GPR157: variants seen among roughly 807,000 people sequenced by gnomAD.
GPR157 encodes G protein-coupled receptor 157, also known as G-protein coupled receptor 157.
GPR157 carries 16 observed loss-of-function variants against 23.5 expected under a neutral mutation model. The observed-to-expected ratio is 0.68, with a 90% CI of 0.46 to 1.04. The LOEUF is 1.04. Among genes scored for constraint, GPR157 ranks in the 50% least tolerant of loss-of-function variants. The pLI, the probability that GPR157 is intolerant of heterozygous loss-of-function variation, is 0.00. For synonymous variants in GPR157, 200 were observed against 221.5 expected, an observed-to-expected ratio of 0.90 and a Z score of 0.86; for missense variants, 440 against 460.7, an observed-to-expected ratio of 0.96 and a Z score of 0.41.
chr1:9,127,086 G>C (rs1181328525), intron 1 of GPR157, among the ~76,000 whole-genome samples: 1 of 151,900 alleles, frequency 6.6e-6, no homozygotes, highest in Admixed American at 6.6e-5. Context: ...AAGCCTCACT[G>C]TGTTGGCCAG....
chr1:9,105,508 G>A lies in GPR157; in HGVS notation c.770C>T (p.Thr257Met), dbSNP rs1261938423. The change falls in exon 3 of 4, where the codon ACG becomes ATG. Residue 257 changes from threonine to methionine, a missense_variant. Transcript: ENST00000377411. The surrounding 1 kb of genome is among the most constrained non-coding windows in gnomAD (Gnocchi z 4.8). ...LTLCGSPAVQ[T>M]PVLVVLHGIG... is the part of the protein sequence containing the mutation. ...TACATGCAGAACCACCAGCACCGGC[G>A]TCTGCACGGCCGGGGAGCCACAGAG... 8.9e-6 allele frequency: 14 copies of A among 1,578,940 alleles called. No homozygotes were observed. The highest frequency in any genetic ancestry group is 4.6e-5 in the East Asian group (2 of 43,664).
In GPR157 at chr1:9,118,931, A is replaced by G. The variant is rs769313386; in HGVS notation, c.384-7442T>C. ...ACACCTGAAGTCCCAGCTACCCAGG[A>G]GGCTGAGGCGGGAGAACCGCTTGAA... is the stretch of plus-strand genomic sequence containing the variant. On this transcript the variant is annotated intron_variant, in intron 1 of 3. Transcript: ENST00000377411. The surrounding 1 kb of genome is among the most constrained non-coding windows in gnomAD (Gnocchi z 4.6). Among the ~76,000 whole-genome samples the G allele has an allele frequency of 1.1e-4, 16 of 151,740 alleles. No individual in the cohort carries two copies. Among genetic ancestry groups the G allele is most frequent in the Non-Finnish European group, 1.6e-4 (11 of 67,986 alleles).
At chr1:9,119,136 G>A (rs373365660) in intron 1 of GPR157, among the ~76,000 whole-genome samples, 28 of 151,010 alleles carry the variant, frequency 1.9e-4, no homozygotes, top group African/African-American at 6.6e-4. Flanking sequence ...AGGTTCAAGC[G>A]ATTCTTCTGC....
intron 1 of GPR157, among the ~76,000 whole-genome samples, chr1:9,112,296 G>A (rs1000431049): frequency 1.3e-5 from 2 of 152,244 alleles, no homozygotes; most frequent in South Asian, 2.1e-4. Flanking sequence ...GCTTACCTTC[G>A]GCAGGCTCTA....
Position 9,128,667 on chromosome 1 carries a change from G to A in GPR157, c.361C>T (p.Leu121Phe), listed in dbSNP as rs1055581243. 6.2e-7 allele frequency: 1 copy of A among 1,613,082 alleles called. No homozygotes were observed. The highest frequency in any genetic ancestry group is 1.7e-5 in the Admixed American group (1 of 60,032). The change falls in exon 1 of 4, where the codon CTT becomes TTT. Residue 121 changes from leucine to phenylalanine, a missense_variant. Coordinates refer to ENST00000377411, the MANE Select transcript of GPR157 (RefSeq NM_024980.5). This position sits in a 1 kb window ranked among gnomAD's most constrained non-coding sequence, Gnocchi z 6.3. ...CACCTGACGACATGGAAGGCCCAAAGCAGGCGATCTGTGCGAGGCCCGCGC... is the reference window on the plus strand; with the variant it reads ...CACCTGACGACATGGAAGGCCCAAAACAGGCGATCTGTGCGAGGCCCGCGC... Reference protein sequence around the residue: ...AARGPRTDRLLWAFHVVSWGV... With the variant: ...AARGPRTDRLFWAFHVVSWGV...
At chr1:9,107,032 C>T (rs370185223) in intron 2 of GPR157, among the ~76,000 whole-genome samples, 4 of 152,176 alleles carry the variant, frequency 2.6e-5, no homozygotes, top group Non-Finnish European at 5.9e-5. Flanking sequence ...CCCATCCTCA[C>T]GTTCCGCTTT....
rs930731672 is a variant in GPR157, at chr1:9,104,293, G to A, written c.*126C>T. On this transcript the variant is annotated 3_prime_UTR_variant, in exon 4 of 4. Coordinates refer to ENST00000377411, the MANE Select transcript of GPR157 (RefSeq NM_024980.5). ...TGGCAGCTGCTCTCCCAATGGAGCC[G>A]AGAGCATCAATAGCGGGGGCTTCTG... The A allele has an allele frequency of 8.7e-6, 6 of 692,468 alleles. No individual in the cohort carries two copies. Among genetic ancestry groups the A allele is most frequent in the South Asian group, 1.9e-5 (1 of 53,474 alleles). 42.9% of individuals were successfully genotyped at this position (692,468 alleles called of 1,614,324 possible). A position where few individuals can be genotyped will look rare whatever the true frequency, so the allele number is the denominator to read the frequency against.
rs975448269 is a variant in GPR157, at chr1:9,120,742, G to A, written c.383+7903C>T. ...CGTCTGTAGCCCTCAGCTCAGGGAT[G>A]GGCAGCCTGAGTTCTCACACCTCCT... On this transcript the variant is annotated intron_variant, in intron 1 of 3. Coordinates refer to ENST00000377411, the MANE Select transcript of GPR157 (RefSeq NM_024980.5). This position sits in a 1 kb window ranked among gnomAD's most constrained non-coding sequence, Gnocchi z 4.1. Among the ~76,000 whole-genome samples the A allele has an allele frequency of 3.9e-5, 6 of 152,184 alleles. 1 individual carries two copies. Among genetic ancestry groups the A allele is most frequent in the Non-Finnish European group, 7.4e-5 (5 of 68,022 alleles).
At chr1:9,108,117 T>A (rs1241263396) in intron 2 of GPR157, among the ~76,000 whole-genome samples, 1 of 152,128 alleles carries the variant, frequency 6.6e-6, no homozygotes, top group Non-Finnish European at 1.5e-5. Flanking sequence ...TTTGAGCCAG[T>A]CCTGTGCCTG....
At chr1:9,123,811 T>C (rs1638908929) in intron 1 of GPR157, among the ~76,000 whole-genome samples, 1 of 138,408 alleles carries the variant, frequency 7.2e-6, no homozygotes, top group Admixed American at 8.1e-5. Flanking sequence ...TATATAATAT[T>C]AAATATATAT....
rs1466682215 is a variant in GPR157, at chr1:9,123,347, TATTTAATTTAAATATATATTTAAA to T, written c.383+5274_383+5297del. 3.7e-4 allele frequency among the ~76,000 whole-genome samples: 12 copies of T among 32,600 alleles called. No individual in the cohort carries two copies. In the East Asian group the frequency reaches 0.02, roughly 55 times the overall value. The allele number at this position is 32,600 out of a possible 152,430, so 21.4% of individuals were successfully genotyped here. On this transcript the variant is annotated intron_variant, in intron 1 of 3. Transcript: ENST00000377411. ...TATATATATTTAATTTAAATATATA[TATTTAATTTAAATATATATTTAAA>T]TTAAATATATATATTTAATTTAAAT...
chr1:9,101,357 C>T lies in GPR157; in HGVS notation c.*3062G>A, dbSNP rs1642564403. The T allele has an allele frequency of 6.6e-6, 1 of 152,320 alleles. No homozygotes were observed. 9.4% of individuals were successfully genotyped at this position (152,320 alleles called of 1,614,324 possible). A position where few individuals can be genotyped will look rare whatever the true frequency, so the allele number is the denominator to read the frequency against. On this transcript the variant is annotated 3_prime_UTR_variant, in exon 4 of 4. Coordinates refer to ENST00000377411, the MANE Select transcript of GPR157 (RefSeq NM_024980.5). ...AGGCGTGAGCCACTGCGCCTGGCCC[C>T]CTCCTGGACTTTTAGGATGTGACTT...
At chr1:9,108,596 C>T (rs1638403695) in intron 2 of GPR157, among the ~76,000 whole-genome samples, 1 of 152,184 alleles carries the variant, frequency 6.6e-6, no homozygotes, top group Non-Finnish European at 1.5e-5. Context: ...CATCCATCAC[C>T]TGGGCAGGAG....
intron 1 of GPR157, among the ~76,000 whole-genome samples, chr1:9,116,339 T>TATATATAATATATATATAAA (rs1491438357): frequency 7.2e-5 from 1 of 13,948 alleles, no homozygotes; most frequent in East Asian, 0.023. Flanking sequence ...TTATATATAA[T>TATATATAATATATATATAAA]TTATATATAA....
chr1:9,104,948 C>G (rs1006447125), intron 3 of GPR157, among the ~76,000 whole-genome samples: 1 of 150,822 alleles, frequency 6.6e-6, no homozygotes, highest in Non-Finnish European at 1.5e-5. Flanking sequence ...TGCAGTGAGC[C>G]GAGATCCCAC....
Position 9,105,034 on chromosome 1 carries a change from A to ACACACACAC in GPR157, c.793-401_793-400insGTGTGTGTG, listed in dbSNP as rs1638256204. Among the ~76,000 whole-genome samples, 5 of 116,966 alleles carry ACACACACAC rather than the reference A, an allele frequency of 4.3e-5. No individual in the cohort carries two copies. The highest frequency in any genetic ancestry group is 8.7e-5 in the Non-Finnish European group (5 of 57,554). The allele number at this position is 116,966 out of a possible 152,430, so 76.7% of individuals were successfully genotyped here. On this transcript the variant is annotated intron_variant, in intron 3 of 3. Transcript: ENST00000377411. This position sits in a 1 kb window ranked among gnomAD's most constrained non-coding sequence, Gnocchi z 4.8. ...CCCCAAAAAAGAGAAATGGCTGAGAAACACACACACACACACACACACACA... is the reference window on the plus strand; with the variant it reads ...CCCCAAAAAAGAGAAATGGCTGAGAACACACACACACACACACACACACACACACACACA...
intron 1 of GPR157, 109 bp from the exon 2 acceptor site, chr1:9,111,598 G>T: frequency 2.5e-6 from 2 of 806,900 alleles, no homozygotes; most frequent in Non-Finnish European, 4.1e-6. Flanking sequence ...ATGCTCTCCA[G>T]AGCCTGGATG....
intron 1 of GPR157, among the ~76,000 whole-genome samples, chr1:9,116,444 C>T (rs1401739492): frequency 3.2e-5 from 4 of 124,622 alleles, no homozygotes; most frequent in Admixed American, 1.0e-4. Context: ...AGCTATGACA[C>T]GATGAGCTTT....
intron 2 of GPR157, 148 bp downstream of exon 2, chr1:9,111,128 C>T: frequency 2.8e-6 from 2 of 717,604 alleles, no homozygotes; most frequent in Non-Finnish European, 5.0e-6. Flanking sequence ...GTCTGGTGCA[C>T]AGTAAGTGCC....
Sources: allele counts gnomAD v4.1 joint callset (sites outside exome capture counted in the v4.1 genomes callset), GRCh38; gene constraint gnomAD v4.1.1; non-coding constraint Gnocchi (gnomAD v3.1); transcripts MANE v1.5; gene names NCBI Gene and HGNC (gene_info 2026-07-23, HGNC 2026-07-21).